CAMTA1: variants seen among roughly 807,000 people sequenced by gnomAD.
CAMTA1 encodes the protein calmodulin binding transcription activator 1.
Under a neutral mutation model 170.9 loss-of-function variants are expected in CAMTA1, and 27 were observed. The observed-to-expected ratio is 0.16, with a 90% CI of 0.12 to 0.22. The LOEUF is 0.22. Among genes scored for constraint, CAMTA1 ranks in the 10% least tolerant of loss-of-function variants. CAMTA1 has a pLI of 1.00. For synonymous variants in CAMTA1, 833 were observed against 891.5 expected (o/e 0.93, Z 1.17); for missense variants, 1,619 against 2,217.2 (o/e 0.73, Z 5.42).
In CAMTA1 at chr1:7,737,979, G is replaced by A. The variant is rs2096784019; in HGVS notation, c.3679G>A (p.Glu1227Lys). The A allele has an allele frequency of 6.2e-7, 1 of 1,611,028 alleles. No homozygotes were observed. Reference protein sequence around the residue: ...TNPELRRPRSEPSNYYSSESH... With the variant: ...TNPELRRPRSKPSNYYSSESH... ...TTCAGAGCTGAGAAGACCTCGTTCT[G>A]AACCCTCTAATTACTACAGCAGTGA... Residue 1227 changes from glutamate (E) to lysine (K), a missense_variant, in exon 16 of 23, where the codon GAA becomes AAA. By Grantham distance (56) the Glu-to-Lys change is moderately conservative. Around this residue, in one of 8 missense-constraint regions of CAMTA1, gnomAD observed 370 missense variants for 429.4 expected, o/e 0.86. Transcript: ENST00000303635.
chr1:7,320,649 GTTTTTT>G (rs55683398), intron 5 of CAMTA1, among the ~76,000 whole-genome samples: 2 of 80,292 alleles, frequency 2.5e-5, no homozygotes, highest in African/African-American at 4.9e-5. Flanking sequence ...TGCTGTGTGT[GTTTTTT>G]TTTTTTTTTT....
At chr1:7,763,007 T>C (rs1028382970) in intron 22 of CAMTA1, among the ~76,000 whole-genome samples, 17 of 152,210 alleles carry the variant, frequency 1.1e-4, no homozygotes, top group Non-Finnish European at 2.4e-4. Flanking sequence ...TCCTGGGAGA[T>C]ATTTTTAGAG....
chr1:6,871,932 C>G, intron 3 of CAMTA1: 1 of 1,337,602 alleles, frequency 7.5e-7, no homozygotes, highest in South Asian at 2.0e-5. Flanking sequence ...ACGCTGATTT[C>G]CTCAAATAGA....
At chr1:6,897,785 G>A (rs766726694) in intron 3 of CAMTA1, among the ~76,000 whole-genome samples, 1 of 152,286 alleles carries the variant, frequency 6.6e-6, no homozygotes, top group Admixed American at 6.5e-5. Context: ...TGGATATATG[G>A]GTTGTGTTTA....
intron 6 of CAMTA1, among the ~76,000 whole-genome samples, chr1:7,612,765 A>T (rs115496664): frequency 0.012 from 1,801 of 152,352 alleles, 24 homozygotes; most frequent in African/African-American, 0.04. Context: ...AGGCCAGCAC[A>T]CAGATGGCTG....
intron 4 of CAMTA1, among the ~76,000 whole-genome samples, chr1:7,128,294 G>T (rs906525595): frequency 6.6e-6 from 1 of 152,204 alleles, no homozygotes; most frequent in African/African-American, 2.4e-5. Context: ...GTACAACCAT[G>T]TGCTGGGTCC....
chr1:6,923,431 C>T (rs1435448655), intron 3 of CAMTA1, among the ~76,000 whole-genome samples: 2 of 152,126 alleles, frequency 1.3e-5, no homozygotes, highest in East Asian at 3.9e-4. Context: ...CTCAAGGTTC[C>T]TGTTTAGAGG....
chr1:7,086,295 T>C (rs554141285), intron 3 of CAMTA1, among the ~76,000 whole-genome samples: 5 of 152,150 alleles, frequency 3.3e-5, no homozygotes, highest in Non-Finnish European at 7.4e-5. Flanking sequence ...GCCAGGGCAC[T>C]GGGGAGGCCG....
chr1:7,035,522 C>G (rs899697805), intron 3 of CAMTA1, among the ~76,000 whole-genome samples: 1 of 152,176 alleles, frequency 6.6e-6, no homozygotes, highest in Non-Finnish European at 1.5e-5. Flanking sequence ...TATGTGATTA[C>G]CAGTACAGTT....
intron 6 of CAMTA1, among the ~76,000 whole-genome samples, chr1:7,558,942 A>C (rs2094919869): frequency 6.6e-6 from 1 of 152,182 alleles, no homozygotes; most frequent in Non-Finnish European, 1.5e-5. Flanking sequence ...GCCTTTTCAC[A>C]AGTTACCCTT....
chr1:7,411,571 G>A (rs1375302254), intron 5 of CAMTA1, among the ~76,000 whole-genome samples: 2 of 139,832 alleles, frequency 1.4e-5, no homozygotes. Context: ...TTAGTATCAA[G>A]TTAAATAACT....
intron 5 of CAMTA1, chr1:7,441,074 C>T (rs1306820709): frequency 1.3e-5 from 2 of 152,198 alleles, no homozygotes; most frequent in Non-Finnish European, 2.9e-5. Context: ...GCCCACTTAC[C>T]CCCAAGTGCT....
chr1:7,318,916 G>A (rs917151240), intron 5 of CAMTA1, among the ~76,000 whole-genome samples: 1 of 152,214 alleles, frequency 6.6e-6, no homozygotes, highest in Non-Finnish European at 1.5e-5. Flanking sequence ...TAGGGAAACC[G>A]GGAACATATG....
At chr1:7,526,665 G>A (rs2094435590) in intron 6 of CAMTA1, among the ~76,000 whole-genome samples, 1 of 152,238 alleles carries the variant, frequency 6.6e-6, no homozygotes, top group South Asian at 2.1e-4. Context: ...TGTTCCTCCA[G>A]GCCTGGCTGA....
chr1:7,709,280 T>C (rs2149634555), intron 11 of CAMTA1, among the ~76,000 whole-genome samples: 1 of 152,364 alleles, frequency 6.6e-6, no homozygotes. Flanking sequence ...ACTTGAAGTT[T>C]CATGAATACT....
Position 7,010,538 on chromosome 1 carries a change from C to G in CAMTA1, c.235-80766C>G, listed in dbSNP as rs1699634843. Among the ~76,000 whole-genome samples the G allele has an allele frequency of 6.6e-6, 1 of 152,216 alleles. No individual in the cohort carries two copies. The highest frequency in any genetic ancestry group is 1.5e-5 in the Non-Finnish European group (1 of 68,046). On this transcript the variant is annotated intron_variant, in intron 3 of 22. Transcript: ENST00000303635. This position sits in a 1 kb window ranked among gnomAD's most constrained non-coding sequence, Gnocchi z 4.4. ...CAAATAGACTTTGGAGGTGGAAAGA[C>G]CTGAGTTCAAATCTCGGACCCACTA...
chr1:7,196,399 T>C (rs1247914487), intron 4 of CAMTA1, among the ~76,000 whole-genome samples: 1 of 152,214 alleles, frequency 6.6e-6, no homozygotes, highest in African/African-American at 2.4e-5. Context: ...TAATACAGTA[T>C]GTGTGAAGAA....
intron 5 of CAMTA1, among the ~76,000 whole-genome samples, chr1:7,400,679 G>C (rs1230212529): frequency 6.6e-6 from 1 of 152,114 alleles, no homozygotes; most frequent in Non-Finnish European, 1.5e-5. Context: ...GTATACGTTG[G>C]GTAGGGTGCA....
chr1:7,138,965 A>G (rs1342409722), intron 4 of CAMTA1, among the ~76,000 whole-genome samples: 2 of 149,650 alleles, frequency 1.3e-5, no homozygotes, highest in Non-Finnish European at 3.0e-5. Flanking sequence ...ACTGTACTCC[A>G]GCCTGGGTGA....
Sources: gnomAD v4.1 joint callset for allele counts (sites outside exome capture counted in the v4.1 genomes callset) on GRCh38, gnomAD v4.1.1 for gene constraint, gnomAD v4.1.1 regional missense constraint, Gnocchi (gnomAD v3.1) non-coding constraint, MANE v1.5 for transcripts, NCBI Gene and HGNC (gene_info 2026-07-23, HGNC 2026-07-21) for gene names.